The following PDE4D variants were observed in gnomAD, a reference collection of about 807,000 sequenced individuals.
PDE4D encodes the protein 3',5'-cyclic-AMP phosphodiesterase 4D.
PDE4D carries 24 observed loss-of-function variants against 87.4 expected under a neutral mutation model. That is an observed-to-expected ratio of 0.27 (90% CI 0.20 to 0.39). The LOEUF is 0.39. Among genes scored for constraint, PDE4D ranks in the 10% least tolerant of loss-of-function variants. The pLI, the probability that PDE4D is intolerant of heterozygous loss-of-function variation, is 1.00. For missense variants in PDE4D, 714 were observed against 1,041.0 expected, an observed-to-expected ratio of 0.69 and a Z score of 4.32; for synonymous variants, 384 against 383.2, an observed-to-expected ratio of 1.00 and a Z score of -0.02.
intron 1 of PDE4D, among the ~76,000 whole-genome samples, chr5:59,546,194 A>C (rs1459800362): frequency 1.3e-5 from 2 of 152,160 alleles, no homozygotes; most frequent in Non-Finnish European, 2.9e-5. Context: ...AGAAATGTTA[A>C]ATCTCTTTTA....
intron 1 of PDE4D, among the ~76,000 whole-genome samples, chr5:59,886,441 C>T (rs1390621524): frequency 6.6e-6 from 1 of 151,732 alleles, no homozygotes; most frequent in African/African-American, 2.4e-5. Context: ...CGCTTGAACC[C>T]GGTAGGCGGA....
At chr5:60,156,412 T>C (rs1019450362) in intron 2 of PDE4D, among the ~76,000 whole-genome samples, 14 of 152,284 alleles carry the variant, frequency 9.2e-5, no homozygotes, top group African/African-American at 3.1e-4. Context: ...TGAGCTTTCC[T>C]CCAGAAGTCC....
At chr5:59,692,207 C>G (rs1751068280) in intron 1 of PDE4D, among the ~76,000 whole-genome samples, 1 of 152,126 alleles carries the variant, frequency 6.6e-6, no homozygotes, top group Non-Finnish European at 1.5e-5. Context: ...CATAGGAAGA[C>G]TTGAGAACCT....
At chr5:59,944,970 C>A (rs1356472982) in intron 3 of PDE4D, among the ~76,000 whole-genome samples, 6 of 152,112 alleles carry the variant, frequency 3.9e-5, no homozygotes, top group Admixed American at 6.5e-5. Flanking sequence ...GTATAAATAA[C>A]CACCCTGGAC....
intron 3 of PDE4D, among the ~76,000 whole-genome samples, chr5:59,965,143 T>C (rs958877067): frequency 5.9e-5 from 9 of 152,200 alleles, no homozygotes; most frequent in Admixed American, 5.9e-4. Flanking sequence ...TGTTGTACAC[T>C]GGATCAATCC....
chr5:59,185,744 C>G (rs1303248722), intron 3 of PDE4D, among the ~76,000 whole-genome samples: 1 of 152,194 alleles, frequency 6.6e-6, no homozygotes, highest in African/African-American at 2.4e-5. Context: ...CATGGCTACT[C>G]TAGCTAGTAA....
intron 1 of PDE4D, among the ~76,000 whole-genome samples, chr5:59,321,943 C>T (rs1056330930): frequency 1.3e-4 from 20 of 152,206 alleles, no homozygotes; most frequent in African/African-American, 4.8e-4. Flanking sequence ...TGATTGAATA[C>T]AACTTTATTT....
chr5:59,264,466 A>G (rs1762528080), intron 1 of PDE4D, among the ~76,000 whole-genome samples: 1 of 152,024 alleles, frequency 6.6e-6, no homozygotes, highest in African/African-American at 2.4e-5. Context: ...AATACCTTTA[A>G]AAAGTTGTCT....
At chr5:59,250,198 A>T (rs1027519025) in intron 1 of PDE4D, among the ~76,000 whole-genome samples, 1 of 151,314 alleles carries the variant, frequency 6.6e-6, no homozygotes, top group Non-Finnish European at 1.5e-5. Context: ...TATAATAAAA[A>T]CTATTTTAAG....
chr5:58,975,842 A>G lies in PDE4D; in HGVS notation c.1831-3T>C. The G allele has an allele frequency of 6.8e-7, 1 of 1,463,528 alleles. No homozygotes were observed. The highest frequency in any genetic ancestry group is 9.1e-7 in the Non-Finnish European group (1 of 1,101,852). The allele number at this position is 1,463,528 out of a possible 1,614,324, so 90.7% of individuals were successfully genotyped here. ...CAGTGCACCATATTCTGAAGAACCTAAAATAGATGGATGCATTCTCTATTC... is the reference window on the plus strand; with the variant it reads ...CAGTGCACCATATTCTGAAGAACCTGAAATAGATGGATGCATTCTCTATTC... On this transcript the variant is annotated splice_region_variant and splice_polypyrimidine_tract_variant and intron_variant, in intron 13 of 14. Transcript: ENST00000340635. The surrounding 1 kb of genome is among the most constrained non-coding windows in gnomAD (Gnocchi z 4.2).
intron 1 of PDE4D, among the ~76,000 whole-genome samples, chr5:59,581,005 A>G (rs1824032998): frequency 6.6e-6 from 1 of 152,160 alleles, no homozygotes; most frequent in African/African-American, 2.4e-5. Flanking sequence ...CCCTAGTTGT[A>G]ATATATTGTC....
At chr5:60,501,850 T>G (rs1034424971) in intron 1 of PDE4D, among the ~76,000 whole-genome samples, 11 of 152,130 alleles carry the variant, frequency 7.2e-5, no homozygotes, top group African/African-American at 2.7e-4. Context: ...GATGGGGTTG[T>G]TTGTTTTTTT....
At chr5:59,442,156 A>G (rs1024204764) in intron 1 of PDE4D, among the ~76,000 whole-genome samples, 3 of 152,232 alleles carry the variant, frequency 2.0e-5, no homozygotes, top group African/African-American at 4.8e-5. Context: ...ATTTTTTATT[A>G]ATGAAAGATA....
At chr5:59,106,279 G>A (rs1239683402) in intron 5 of PDE4D, among the ~76,000 whole-genome samples, 1 of 152,226 alleles carries the variant, frequency 6.6e-6, no homozygotes, top group Non-Finnish European at 1.5e-5. Context: ...AGCTGGTATA[G>A]AGGAACAACT....
intron 2 of PDE4D, among the ~76,000 whole-genome samples, chr5:59,195,029 CT>C (rs1280584134): frequency 6.6e-6 from 1 of 152,062 alleles, no homozygotes; most frequent in East Asian, 1.9e-4. Flanking sequence ...CATGTTTTCT[CT>C]TTTGCATGTG....
chr5:59,139,483 T>A (rs543200836), intron 5 of PDE4D, among the ~76,000 whole-genome samples: 11 of 152,068 alleles, frequency 7.2e-5, no homozygotes, highest in Admixed American at 3.9e-4. Context: ...AGGAGAGAGG[T>A]ATGATCATAA....
intron 1 of PDE4D, among the ~76,000 whole-genome samples, chr5:59,793,907 T>C (rs1419145198): frequency 6.6e-6 from 1 of 152,186 alleles, no homozygotes; most frequent in Non-Finnish European, 1.5e-5. Flanking sequence ...TCTGATTTAA[T>C]CCCTATCCCA....
chr5:59,063,428 A>G (rs951870327), intron 5 of PDE4D: 1 of 152,194 alleles, frequency 6.6e-6, no homozygotes, highest in Admixed American at 6.5e-5. Context: ...AGCATAATGA[A>G]TTCATTAGCA....
intron 1 of PDE4D, among the ~76,000 whole-genome samples, chr5:60,368,916 C>A (rs887046978): frequency 1.1e-4 from 17 of 152,134 alleles, no homozygotes; most frequent in African/African-American, 4.1e-4. Flanking sequence ...AATTAAACCT[C>A]TTTTCTTAAT....
Sources: gnomAD v4.1 joint callset for allele counts (sites outside exome capture counted in the v4.1 genomes callset) on GRCh38, gnomAD v4.1.1 for gene constraint, Gnocchi (gnomAD v3.1) non-coding constraint, MANE v1.5 for transcripts, NCBI Gene and HGNC (gene_info 2026-07-23, HGNC 2026-07-21) for gene names.